SLC47A1: variants seen among roughly 807,000 people sequenced by gnomAD.
SLC47A1 encodes the protein multidrug and toxin extrusion protein 1.
Under a neutral mutation model 65.8 loss-of-function variants are expected in SLC47A1, and 58 were observed. The observed-to-expected ratio is 0.88, with a 90% CI of 0.71 to 1.10. SLC47A1 has a LOEUF of 1.10. Ranked by LOEUF, SLC47A1 falls within the 50% of genes least tolerant of loss-of-function variation. The pLI is 0.00. For missense variants in SLC47A1, 706 were observed against 719.2 expected (o/e 0.98, Z 0.21); for synonymous variants, 285 against 295.0 (o/e 0.97, Z 0.35).
rs914318044 is a variant in SLC47A1 at position 19,567,030 on chromosome 17, C to A, written c.1177-66C>A. The A allele has an allele frequency of 5.0e-6, 8 of 1,610,564 alleles. No homozygotes were observed. In the South Asian group the frequency reaches 8.8e-5, roughly 18 times the overall value. ...ATTTTAGCACAGAATATGAAGTGCT[C>A]GGGAGATGGGAGTGTTTCAAGAGCG... On this transcript the variant is annotated intron_variant, in intron 13 of 16. Transcript: ENST00000270570.
At chr17:19,534,639 G>A (rs1567964004) in intron 1 of SLC47A1, 1 of 152,222 alleles carries the variant, frequency 6.6e-6, no homozygotes, top group Non-Finnish European at 1.5e-5. Flanking sequence ...TCAGAATTCA[G>A]TCAACCTCTA....
intron 12 of SLC47A1, 78 bp downstream of exon 12, chr17:19,560,571 C>G (rs1187361551): frequency 3.9e-5 from 55 of 1,407,012 alleles, no homozygotes; most frequent in Non-Finnish European, 5.3e-5. Flanking sequence ...TCTCTAAAAT[C>G]AGGCTGTTCA....
chr17:19,578,083 A>T lies in SLC47A1; in HGVS notation c.*530A>T. ...CTGCAGCCTCGAACTCTTGGGCTTC[A>T]AGCAATCCTCCTGTGTCAGCCACCA... On this transcript the variant is annotated 3_prime_UTR_variant, in exon 17 of 17. Transcript: ENST00000270570. 2 of 746,704 alleles carry T rather than the reference A, an allele frequency of 2.7e-6. No individual in the cohort carries two copies. Among genetic ancestry groups the T allele is most frequent in the Non-Finnish European group, 4.1e-6 (2 of 493,640 alleles). 46.3% of individuals were successfully genotyped at this position (746,704 alleles called of 1,614,324 possible). A position where few individuals can be genotyped will look rare whatever the true frequency, so the allele number is the denominator to read the frequency against.
chr17:19,554,196 T>C (rs2453568), intron 6 of SLC47A1, among the ~76,000 whole-genome samples: 108,636 of 152,062 alleles, frequency 0.71, 39,330 homozygotes, highest in East Asian at 1. Context: ...TTAAGCGAAA[T>C]CATGGTTTGA....
Position 19,578,022 on chromosome 17 carries a change from A to C in SLC47A1, c.*469A>C, listed in dbSNP as rs139394521. The C allele has an allele frequency of 7.3e-3, 9,062 of 1,238,428 alleles. 455 individuals carry two copies. In the South Asian group the frequency reaches 0.094, roughly 13 times the overall value. The allele number at this position is 1,238,428 out of a possible 1,614,324, so 76.7% of individuals were successfully genotyped here. A position where few individuals can be genotyped will look rare whatever the true frequency, so the allele number is the denominator to read the frequency against. ...TAATAGACGGAAGTCTTGCTCTGTC[A>C]TGCAGGCTGGAGTGCGGTGGTGCGA... On this transcript the variant is annotated 3_prime_UTR_variant, in exon 17 of 17. Coordinates refer to ENST00000270570, the MANE Select transcript of SLC47A1 (RefSeq NM_018242.3).
At chr17:19,543,114 T>C (rs1031875446) in intron 2 of SLC47A1, among the ~76,000 whole-genome samples, 3 of 43,072 alleles carry the variant, frequency 7.0e-5, no homozygotes, top group African/African-American at 2.2e-4. Context: ...ATTTCTTTTC[T>C]TTTTTTTTTT....
chr17:19,560,565 T>A, intron 12 of SLC47A1, 72 bp downstream of exon 12: 1 of 1,466,568 alleles, frequency 6.8e-7, no homozygotes, highest in Non-Finnish European at 9.6e-7. Context: ...ATTTGTTCTC[T>A]AAAATCAGGC....
At position 19,560,301 on chromosome 17, in the gene SLC47A1, T is replaced by C; in HGVS notation, c.1030+5T>C. 1 of 1,612,054 alleles carries C rather than the reference T, an allele frequency of 6.2e-7. No homozygotes were observed. Among genetic ancestry groups the C allele is most frequent in the Non-Finnish European group, 8.5e-7 (1 of 1,178,252 alleles). On this transcript the variant is annotated splice_donor_5th_base_variant and intron_variant, in intron 11 of 16. Transcript: ENST00000270570. ...CCGTTTCCCTGCTGATTACAGGTGC[T>C]GAGACCCCTTTACCCGAGGCTCTTG...
chr17:19,561,366 G>A (rs573559166), intron 12 of SLC47A1, among the ~76,000 whole-genome samples: 4 of 152,180 alleles, frequency 2.6e-5, no homozygotes, highest in Middle Eastern at 3.4e-3. Context: ...AGGCTCGGCC[G>A]GGCGCGGTGG....
chr17:19,577,817 T>C lies in SLC47A1; in HGVS notation c.*264T>C. 2.3e-6 allele frequency: 3 copies of C among 1,323,528 alleles called. No homozygotes were observed. Among genetic ancestry groups the C allele is most frequent in the Non-Finnish European group, 2.9e-6 (3 of 1,032,298 alleles). 82.0% of individuals were successfully genotyped at this position (1,323,528 alleles called of 1,614,324 possible). On this transcript the variant is annotated 3_prime_UTR_variant, in exon 17 of 17. Coordinates refer to ENST00000270570, the MANE Select transcript of SLC47A1 (RefSeq NM_018242.3). ...ACCAAGCAAGGATCAATGTGCTGAC[T>C]GCATTGGCCAATGGCTTTGATACTT...
Position 19,555,602 on chromosome 17 carries a change from A to C in SLC47A1, c.651A>C (p.Ala217=). ...GGACTGTTCTTTCCAGAGGCTCTGCACTGGCAAACTTGATTTCCCAGTACA... is the reference window on the plus strand; with the variant it reads ...GGACTGTTCTTTCCAGAGGCTCTGCCCTGGCAAACTTGATTTCCCAGTACA... ...HQLHLGVIGS[A]LANLISQYTL... Residue 217 remains alanine (A), a synonymous_variant, in exon 8 of 17, where the codon GCA becomes GCC. Transcript: ENST00000270570. The C allele has an allele frequency of 6.2e-7, 1 of 1,614,168 alleles. No individual in the cohort carries two copies. Among genetic ancestry groups the C allele is most frequent in the Non-Finnish European group, 8.5e-7 (1 of 1,180,018 alleles).
At chr17:19,575,402 T>C (rs969434945) in intron 16 of SLC47A1, among the ~76,000 whole-genome samples, 13 of 93,884 alleles carry the variant, frequency 1.4e-4, no homozygotes, top group African/African-American at 4.5e-4. Flanking sequence ...TTATTATTCC[T>C]TTTTTTTTTT....
At chr17:19,543,405 C>T (rs1273173519) in intron 2 of SLC47A1, among the ~76,000 whole-genome samples, 1 of 152,110 alleles carries the variant, frequency 6.6e-6, no homozygotes, top group South Asian at 2.1e-4. Flanking sequence ...CCACTGCGCC[C>T]GGCCTACATC....
chr17:19,549,712 G>T, intron 5 of SLC47A1, 35 bp downstream of exon 5: 1 of 1,611,004 alleles, frequency 6.2e-7, no homozygotes, highest in East Asian at 2.2e-5. Flanking sequence ...TCCCTTCTTG[G>T]GGTCCGTGGG....
intron 16 of SLC47A1, among the ~76,000 whole-genome samples, chr17:19,575,156 G>C (rs939526897): frequency 7.7e-6 from 1 of 129,494 alleles, no homozygotes; most frequent in African/African-American, 2.9e-5. Context: ...CTGCAGCCTT[G>C]ACCTCCTGGG....
At chr17:19,547,721 T>TG (rs936808866) in intron 3 of SLC47A1, among the ~76,000 whole-genome samples, 3 of 137,234 alleles carry the variant, frequency 2.2e-5, no homozygotes, top group African/African-American at 8.2e-5. Context: ...GGCTTCTTTT[T>TG]TTTTTTTTTT....
At chr17:19,541,492 T>C (rs567145619) in intron 1 of SLC47A1, among the ~76,000 whole-genome samples, 5 of 152,174 alleles carry the variant, frequency 3.3e-5, no homozygotes, top group Non-Finnish European at 7.3e-5. Context: ...GAGCAATTCA[T>C]AGAATTGCCC....
At chr17:19,573,245 C>T (rs1403133764) in intron 16 of SLC47A1, among the ~76,000 whole-genome samples, 1 of 152,194 alleles carries the variant, frequency 6.6e-6, no homozygotes, top group Non-Finnish European at 1.5e-5. Context: ...TGGACCTTTG[C>T]TTCTGATTCA....
chr17:19,549,085 T>A (rs1916372420), intron 4 of SLC47A1, among the ~76,000 whole-genome samples: 1 of 152,104 alleles, frequency 6.6e-6, no homozygotes, highest in South Asian at 2.1e-4. Context: ...TACCTGGCCA[T>A]AGTGCTGAGG....
Sources: allele counts gnomAD v4.1 joint callset (sites outside exome capture counted in the v4.1 genomes callset), GRCh38; gene constraint gnomAD v4.1.1; transcripts MANE v1.5; gene names NCBI Gene and HGNC (gene_info 2026-07-23, HGNC 2026-07-21).